The following ATP2C1 variants were observed in gnomAD, a reference collection of about 807,000 sequenced individuals.
The protein encoded by ATP2C1 is ATPase secretory pathway Ca2+ transporting 1.
ATP2C1 carries 31 observed loss-of-function variants against 120.5 expected under a neutral mutation model. The observed-to-expected ratio is 0.26, with a 90% confidence interval of 0.19 to 0.35. ATP2C1 has a LOEUF of 0.35. Among genes scored for constraint, ATP2C1 ranks in the 10% least tolerant of loss-of-function variants. ATP2C1 has a pLI of 1.00. For synonymous variants in ATP2C1, 351 were observed against 358.7 expected, an observed-to-expected ratio of 0.98 and a Z score of 0.24; for missense variants, 731 against 1,107.5, an observed-to-expected ratio of 0.66 and a Z score of 4.83.
chr3:130,858,826 G>A (rs1268592556), intron 1 of ATP2C1, among the ~76,000 whole-genome samples: 1 of 152,150 alleles, frequency 6.6e-6, no homozygotes, highest in Non-Finnish European at 1.5e-5. Flanking sequence ...GAGTGATTAA[G>A]GTATTGGACT....
At chr3:130,940,933 T>TTTTTTA (rs1384737363) in intron 7 of ATP2C1, among the ~76,000 whole-genome samples, 1 of 144,176 alleles carries the variant, frequency 6.9e-6, no homozygotes, top group African/African-American at 2.6e-5. Context: ...TTTTTTTTTT[T>TTTTTTA]AGATGGAGTC....
chr3:130,946,779 T>C (rs79263282), intron 8 of ATP2C1, among the ~76,000 whole-genome samples: 3,601 of 152,386 alleles, frequency 0.024, 65 homozygotes, highest in Non-Finnish European at 0.036. Flanking sequence ...TTTGATAAAA[T>C]GTAAGCATGT....
chr3:130,997,718 A>C lies in ATP2C1; in HGVS notation c.2356A>C (p.Ile786Leu). The change falls in exon 25 of 28, where the codon ATT (isoleucine) becomes CTT (leucine). Residue 786 changes from isoleucine (I) to leucine (L), a missense_variant. By Grantham distance (5) the Ile-to-Leu change is conservative. Around this residue, in one of 3 missense-constraint regions of ATP2C1, gnomAD observed 141 missense variants for 201.6 expected, o/e 0.70. Transcript: ENST00000510168. ...ILKILVSSII[I>L]VCGTLFVFWR... Reference sequence around the variant, plus strand: ...TAAAATACTTGTTTCATCAATAATCATTGTTTGTGGGACTTTGTTTGTCTT... The same window carrying C: ...TAAAATACTTGTTTCATCAATAATCCTTGTTTGTGGGACTTTGTTTGTCTT... The C allele has an allele frequency of 6.2e-7, 1 of 1,613,694 alleles. No homozygotes were observed.
At chr3:130,972,483 T>TA (rs1478135242) in intron 17 of ATP2C1, among the ~76,000 whole-genome samples, 2 of 151,904 alleles carry the variant, frequency 1.3e-5, no homozygotes, top group African/African-American at 4.8e-5. Context: ...TTTTTTTTTT[T>TA]TTTATATACT....
In ATP2C1 at chr3:130,999,670, C is replaced by T. The variant is rs755472342; in HGVS notation, c.2629+11C>T. On this transcript the variant is annotated intron_variant, in intron 27 of 27. Coordinates refer to ENST00000510168, the MANE Select transcript of ATP2C1 (RefSeq NM_001378687.1). ...GCCTAAGCATACTGGGTAAAGAAAA[C>T]GTTATCTTTATCATTTATGTATTTT... is the stretch of plus-strand genomic sequence containing the variant. The T allele has an allele frequency of 8.7e-6, 14 of 1,605,756 alleles. 1 individual carries two copies. The highest frequency in any genetic ancestry group is 5.0e-5 in the Admixed American group (3 of 59,912).
At chr3:130,957,926 A>G (rs1382314742) in intron 11 of ATP2C1, among the ~76,000 whole-genome samples, 1 of 152,206 alleles carries the variant, frequency 6.6e-6, no homozygotes, top group Non-Finnish European at 1.5e-5. Context: ...TCTTCATTGT[A>G]AACATAAAGT....
chr3:130,869,805 T>G (rs944350023), intron 1 of ATP2C1, among the ~76,000 whole-genome samples: 1 of 152,124 alleles, frequency 6.6e-6, no homozygotes, highest in African/African-American at 2.4e-5. Flanking sequence ...GTTCTTGAGG[T>G]TTAAGGAAAG....
intron 17 of ATP2C1, among the ~76,000 whole-genome samples, chr3:130,970,946 C>T (rs1431896831): frequency 6.6e-6 from 1 of 152,080 alleles, no homozygotes; most frequent in Non-Finnish European, 1.5e-5. Context: ...AAAAAGATTT[C>T]CGTCTATTCT....
exon 1 of ATP2C1, chr3:130,850,681 G>T: frequency 2.2e-6 from 1 of 461,456 alleles, no homozygotes; most frequent in Non-Finnish European, 3.8e-6. Context: ...AAACAGCAAG[G>T]AGAACATTTG....
chr3:130,911,288 A>G (rs374056325), intron 2 of ATP2C1, among the ~76,000 whole-genome samples: 17 of 147,990 alleles, frequency 1.1e-4, no homozygotes, highest in South Asian at 6.6e-4. Context: ...TGGGATCGGT[A>G]GTGATATCCC....
intron 8 of ATP2C1, among the ~76,000 whole-genome samples, chr3:130,944,855 G>T (rs1370427041): frequency 6.6e-6 from 1 of 152,096 alleles, no homozygotes; most frequent in Non-Finnish European, 1.5e-5. Flanking sequence ...AGATGCTCAA[G>T]TCCTTTACAT....
intron 2 of ATP2C1, among the ~76,000 whole-genome samples, chr3:130,920,139 C>T (rs1047671467): frequency 6.6e-6 from 1 of 152,096 alleles, no homozygotes; most frequent in Non-Finnish European, 1.5e-5. Flanking sequence ...CGTAGGTTGC[C>T]TTTTACTCTG....
intron 2 of ATP2C1, among the ~76,000 whole-genome samples, chr3:130,910,974 G>A (rs1220842253): frequency 1.4e-5 from 2 of 145,326 alleles, no homozygotes; most frequent in Non-Finnish European, 3.0e-5. Flanking sequence ...AAATGAGTTA[G>A]GGAGGATTCC....
chr3:130,934,739 C>G (rs767824875), intron 5 of ATP2C1, 28 bp downstream of exon 5: 3 of 1,424,818 alleles, frequency 2.1e-6, no homozygotes, highest in Non-Finnish European at 3.0e-6. Flanking sequence ...TATTTTTAAT[C>G]TGTTGAGTAA....
intron 2 of ATP2C1, among the ~76,000 whole-genome samples, chr3:130,909,835 G>T (rs1256384855): frequency 1.3e-5 from 2 of 151,680 alleles, no homozygotes; most frequent in South Asian, 4.2e-4. Context: ...TGGTTTTTCG[G>T]TATAGTAGTA....
intron 1 of ATP2C1, among the ~76,000 whole-genome samples, chr3:130,884,934 T>C (rs577320024): frequency 1.3e-3 from 194 of 147,712 alleles, no homozygotes; most frequent in South Asian, 4.3e-3. Context: ...TTCTTTCTTT[T>C]TTTTTTTTTT....
intron 1 of ATP2C1, among the ~76,000 whole-genome samples, chr3:130,858,009 C>G (rs2067897921): frequency 6.6e-6 from 1 of 152,182 alleles, no homozygotes; most frequent in South Asian, 2.1e-4. Flanking sequence ...AGTCCAAAAG[C>G]TGAAGAACTT....
intron 20 of ATP2C1, among the ~76,000 whole-genome samples, chr3:130,984,860 T>G (rs2061925273): frequency 6.6e-6 from 1 of 152,168 alleles, no homozygotes; most frequent in Non-Finnish European, 1.5e-5. Context: ...CAATAATAAA[T>G]AACCTACATA....
chr3:130,937,610 A>G (rs1254941744), intron 6 of ATP2C1, 147 bp downstream of exon 6: 3 of 728,094 alleles, frequency 4.1e-6, no homozygotes, highest in Non-Finnish European at 7.4e-6. Flanking sequence ...TCAGATACAG[A>G]CAACTCTTCA....
Sources: allele counts gnomAD v4.1 joint callset (sites outside exome capture counted in the v4.1 genomes callset), GRCh38; gene constraint gnomAD v4.1.1; regional missense constraint gnomAD v4.1.1; transcripts MANE v1.5; gene names NCBI Gene and HGNC (gene_info 2026-07-23, HGNC 2026-07-21).